Variants in SYNDIG1 observed in about 807,000 individuals in gnomAD.
The protein encoded by SYNDIG1 is synapse differentiation-inducing gene protein 1.
A neutral mutation model predicts 19.4 loss-of-function variants in SYNDIG1; 9 were observed. The ratio of observed to expected loss-of-function variants is 0.46; its 90% CI spans 0.28 to 0.81. SYNDIG1 has a LOEUF of 0.81. Among genes scored for constraint, SYNDIG1 ranks in the 30% least tolerant of loss-of-function variants. The pLI is 0.12. For synonymous variants in SYNDIG1, 141 were observed against 145.9 expected, an observed-to-expected ratio of 0.97 and a Z score of 0.24; for missense variants, 311 against 343.3, an observed-to-expected ratio of 0.91 and a Z score of 0.74.
chr20:24,655,291 A>C (rs921779494), intron 3 of SYNDIG1, among the ~76,000 whole-genome samples: 2 of 152,216 alleles, frequency 1.3e-5, no homozygotes, highest in Non-Finnish European at 2.9e-5. Context: ...AGCCAGAAGA[A>C]AAGAGGCATA....
chr20:24,591,141 A>C (rs1568667692), intron 3 of SYNDIG1, among the ~76,000 whole-genome samples: 1 of 151,962 alleles, frequency 6.6e-6, no homozygotes, highest in Non-Finnish European at 1.5e-5. Flanking sequence ...ACTTCAATTA[A>C]AACATTTAGA....
intron 3 of SYNDIG1, among the ~76,000 whole-genome samples, chr20:24,643,276 A>G (rs1291502444): frequency 2.0e-5 from 3 of 152,232 alleles, no homozygotes; most frequent in Admixed American, 6.5e-5. Context: ...GTATAAGTGT[A>G]TAGTGTCAGA....
chr20:24,469,960 A>G (rs1402001133), intron 1 of SYNDIG1, among the ~76,000 whole-genome samples: 2 of 151,280 alleles, frequency 1.3e-5, no homozygotes, highest in Non-Finnish European at 3.0e-5. Context: ...GAGACTTGGG[A>G]GACACGGGGT....
At chr20:24,550,949 G>C (rs1204125806) in intron 2 of SYNDIG1, among the ~76,000 whole-genome samples, 1 of 152,152 alleles carries the variant, frequency 6.6e-6, no homozygotes, top group African/African-American at 2.4e-5. Context: ...ATATTCATGA[G>C]GGATGTTGAT....
chr20:24,496,505 G>A (rs1346477297), intron 1 of SYNDIG1, among the ~76,000 whole-genome samples: 1 of 152,128 alleles, frequency 6.6e-6, no homozygotes, highest in Admixed American at 6.5e-5. Flanking sequence ...TTCTATAGTG[G>A]AATAAATGTG....
chr20:24,639,447 C>T (rs1177302226), intron 3 of SYNDIG1, among the ~76,000 whole-genome samples: 1 of 152,182 alleles, frequency 6.6e-6, no homozygotes, highest in East Asian at 1.9e-4. Flanking sequence ...ACAGCAGCTC[C>T]CCAGAATTCT....
At position 24,543,118 on chromosome 20, in the gene SYNDIG1, G is replaced by T; in HGVS notation, c.21G>T (p.Gln7His). The part of the protein sequence containing the change: MDGIIE[Q>H]KSMLVHSKIS... Reference sequence around the variant, plus strand: ...GTACCATGGATGGCATCATTGAACAGAAGAGCATGCTGGTGCACAGTAAAA... The same window carrying T: ...GTACCATGGATGGCATCATTGAACATAAGAGCATGCTGGTGCACAGTAAAA... Residue 7 changes from glutamine to histidine, a missense_variant, in exon 2 of 4, where the codon CAG (glutamine) becomes CAT (histidine). Physicochemically the swap from Gln to His is conservative, Grantham distance 24. Transcript: ENST00000376862. The T allele has an allele frequency of 1.2e-6, 2 of 1,614,084 alleles. No homozygotes were observed. Among genetic ancestry groups the T allele is most frequent in the Non-Finnish European group, 1.7e-6 (2 of 1,179,966 alleles).
intron 3 of SYNDIG1, among the ~76,000 whole-genome samples, chr20:24,608,362 A>G (rs1053541402): frequency 3.3e-5 from 5 of 152,154 alleles, no homozygotes; most frequent in Non-Finnish European, 7.3e-5. Flanking sequence ...TACTTTTAGT[A>G]GAGACAGGGT....
At chr20:24,588,016 A>G (rs1470718588) in intron 3 of SYNDIG1, among the ~76,000 whole-genome samples, 1 of 152,240 alleles carries the variant, frequency 6.6e-6, no homozygotes, top group Admixed American at 6.5e-5. Context: ...GCAGTGGAGA[A>G]AATGAGGGAT....
rs377062459 is a variant in SYNDIG1 at position 24,552,971 on chromosome 20, A to G, written c.480+9394A>G. 4.0e-5 allele frequency among the ~76,000 whole-genome samples: 6 copies of G among 151,800 alleles called. No homozygotes were observed. In the East Asian group the frequency reaches 5.8e-4, roughly 15 times the overall value. On this transcript the variant is annotated intron_variant, in intron 2 of 3. Transcript: ENST00000376862. ...TTTCTCCACATCCTCTCCAGCACCT[A>G]TTGTTTCCTGACTTTTTAATGATTG...
intron 3 of SYNDIG1, among the ~76,000 whole-genome samples, chr20:24,617,793 A>AG (rs950116229): frequency 2.1e-5 from 1 of 47,704 alleles, no homozygotes; most frequent in Admixed American, 2.2e-4. Context: ...GAGCCCGGGA[A>AG]GGGGGTCCTG....
At chr20:24,529,907 ACTC>A (rs2057210374) in intron 1 of SYNDIG1, among the ~76,000 whole-genome samples, 1 of 14,066 alleles carries the variant, frequency 7.1e-5, no homozygotes, top group South Asian at 1.9e-3. Context: ...TGATGGTAGT[ACTC>A]CTGGTGATGG....
rs1289615045 is a variant in SYNDIG1, at chr20:24,658,424, A to G, written c.619-6922A>G. 6.6e-6 allele frequency among the ~76,000 whole-genome samples: 1 copy of G among 152,068 alleles called. No homozygotes were observed. The highest frequency in any genetic ancestry group is 2.4e-5 in the African/African-American group (1 of 41,416). On this transcript the variant is annotated intron_variant, in intron 3 of 3. Transcript: ENST00000376862. The surrounding 1 kb of genome is among the most constrained non-coding windows in gnomAD (Gnocchi z 4.4). ...CTCCTCCCCGTGACAGATTCCACAC[A>G]GGAGCTGCAGGCCGTGGACCCCTGA... is the stretch of plus-strand genomic sequence containing the variant.
In SYNDIG1 at chr20:24,493,017, A is replaced by G. The variant is rs570693786; in HGVS notation, c.-79+23264A>G. Among the ~76,000 whole-genome samples, 31 of 152,348 alleles carry G rather than the reference A, an allele frequency of 2.0e-4. No individual in the cohort carries two copies. In the East Asian group the frequency reaches 3.9e-3, roughly 19 times the overall value. ...AAAATCTACAAGGCTTCAGGCAGGTAAGGGATATTGAAATTCAAGGCCATC... is the reference window on the plus strand; with the variant it reads ...AAAATCTACAAGGCTTCAGGCAGGTGAGGGATATTGAAATTCAAGGCCATC... On this transcript the variant is annotated intron_variant, in intron 1 of 3. Coordinates refer to ENST00000376862, the MANE Select transcript of SYNDIG1 (RefSeq NM_024893.3).
intron 3 of SYNDIG1, among the ~76,000 whole-genome samples, chr20:24,591,727 A>G (rs1350418042): frequency 6.6e-6 from 1 of 152,194 alleles, no homozygotes; most frequent in Non-Finnish European, 1.5e-5. Context: ...GCAGATGCAG[A>G]TGAGGTATTA....
At chr20:24,522,090 T>C (rs1740059197) in intron 1 of SYNDIG1, among the ~76,000 whole-genome samples, 2 of 152,070 alleles carry the variant, frequency 1.3e-5, no homozygotes, top group African/African-American at 4.8e-5. Context: ...TTTTTTCTTT[T>C]TAGAGATGGA....
chr20:24,633,628 C>T (rs192684204), intron 3 of SYNDIG1, among the ~76,000 whole-genome samples: 4 of 152,280 alleles, frequency 2.6e-5, no homozygotes, highest in African/African-American at 7.2e-5. Flanking sequence ...GTTCCCTGGA[C>T]CAGCAGCATC....
At chr20:24,486,043 G>T (rs2055947468) in intron 1 of SYNDIG1, among the ~76,000 whole-genome samples, 1 of 152,254 alleles carries the variant, frequency 6.6e-6, no homozygotes, top group Non-Finnish European at 1.5e-5. Context: ...GTGAAGGTGG[G>T]CAGGGTGAAG....
intron 1 of SYNDIG1, among the ~76,000 whole-genome samples, chr20:24,499,922 A>G (rs571120411): frequency 6.6e-6 from 1 of 152,270 alleles, no homozygotes; most frequent in East Asian, 1.9e-4. Context: ...CATGCCAGTA[A>G]TTTTCACGAT....
Sources: gnomAD v4.1 joint callset for allele counts (sites outside exome capture counted in the v4.1 genomes callset) on GRCh38, gnomAD v4.1.1 for gene constraint, Gnocchi (gnomAD v3.1) non-coding constraint, MANE v1.5 for transcripts, NCBI Gene and HGNC (gene_info 2026-07-23, HGNC 2026-07-21) for gene names.